The following C2orf76 variants were observed in gnomAD, a reference collection of about 807,000 sequenced individuals.
C2orf76 encodes UPF0538 protein C2orf76.
Under a neutral mutation model 16.9 loss-of-function variants are expected in C2orf76, and 23 were observed. The observed-to-expected ratio is 1.36, with a 90% CI of 0.98 to 1.93. The LOEUF (loss-of-function observed/expected upper bound fraction) is 1.93. Among genes scored for constraint, C2orf76 ranks in the 30% most tolerant of loss-of-function variants. The pLI, the probability that C2orf76 is intolerant of heterozygous loss-of-function variation, is 0.00. For synonymous variants in C2orf76, 48 were observed against 52.3 expected (o/e 0.92, Z 0.35); for missense variants, 152 against 152.6 (o/e 1.00, Z 0.02).
At chr2:119,342,312 T>C (rs1022429115) in intron 1 of C2orf76, among the ~76,000 whole-genome samples, 3 of 152,134 alleles carry the variant, frequency 2.0e-5, no homozygotes, top group African/African-American at 7.2e-5. Context: ...CTTTATTTCG[T>C]TTGATAGGAG....
chr2:119,341,349 A>G (rs1680024724), intron 1 of C2orf76, among the ~76,000 whole-genome samples: 1 of 152,168 alleles, frequency 6.6e-6, no homozygotes, highest in Non-Finnish European at 1.5e-5. Flanking sequence ...CATGCCAGAT[A>G]CTACTCTAAG....
the C2orf76 span, among the ~76,000 whole-genome samples, chr2:119,287,450 C>T: frequency 4.6e-5 from 7 of 152,156 alleles, no homozygotes; most frequent in African/African-American, 1.4e-4. Context: ...CCCACAACCC[C>T]ACCACAAGGG....
chr2:119,338,183 T>G (rs1400202554), intron 2 of C2orf76, among the ~76,000 whole-genome samples: 1 of 152,210 alleles, frequency 6.6e-6, no homozygotes, highest in Non-Finnish European at 1.5e-5. Flanking sequence ...AGCTAAGGAT[T>G]TTTTTTGAGC....
At chr2:119,349,589 C>T (rs1002545095) in intron 1 of C2orf76, among the ~76,000 whole-genome samples, 2 of 152,192 alleles carry the variant, frequency 1.3e-5, no homozygotes, top group East Asian at 3.8e-4. Flanking sequence ...CCACACCCAC[C>T]ACGCTGTTGC....
chr2:119,339,137 A>T (rs556575467), intron 2 of C2orf76: 2 of 152,366 alleles, frequency 1.3e-5, no homozygotes, highest in East Asian at 3.9e-4. Context: ...GATATAAAGC[A>T]ATACCTTTGT....
chr2:119,292,782 C>A, the C2orf76 span, among the ~76,000 whole-genome samples: 1 of 152,158 alleles, frequency 6.6e-6, no homozygotes, highest in Non-Finnish European at 1.5e-5. Context: ...TGCCTGTCAT[C>A]CCAGCACTTT....
At chr2:119,350,066 A>ACCCCC (rs1489941272) in intron 1 of C2orf76, among the ~76,000 whole-genome samples, 8 of 33,800 alleles carry the variant, frequency 2.4e-4, no homozygotes, top group Admixed American at 8.7e-4. Context: ...CCCCGCCCAC[A>ACCCCC]CCGCCCCCCG....
At chr2:119,336,806 T>C (rs1461270275) in intron 2 of C2orf76, among the ~76,000 whole-genome samples, 2 of 152,134 alleles carry the variant, frequency 1.3e-5, no homozygotes, top group East Asian at 3.9e-4. Context: ...TGTCAGACAA[T>C]CTCTTTAGCA....
At chr2:119,288,203 C>A in the C2orf76 span, among the ~76,000 whole-genome samples, 30 of 148,358 alleles carry the variant, frequency 2.0e-4, no homozygotes, top group Non-Finnish European at 3.7e-4. Context: ...GTCGCCCAGG[C>A]TGGAGTGCAG....
chr2:119,288,362 T>C, the C2orf76 span, among the ~76,000 whole-genome samples: 49 of 151,998 alleles, frequency 3.2e-4, no homozygotes, highest in African/African-American at 1.1e-3. Flanking sequence ...TTCACCGTGG[T>C]CTCTATCTCC....
chr2:119,289,830 C>T, the C2orf76 span, among the ~76,000 whole-genome samples: 8 of 152,052 alleles, frequency 5.3e-5, no homozygotes, highest in Non-Finnish European at 1.0e-4. Context: ...AGCCCTCTGC[C>T]GGTAGTAGTT....
intron 2 of C2orf76, among the ~76,000 whole-genome samples, chr2:119,330,532 T>G (rs1166414583): frequency 3.3e-5 from 5 of 152,160 alleles, no homozygotes; most frequent in Non-Finnish European, 5.9e-5. Flanking sequence ...TGGTATGCCT[T>G]GGTGTGGCTT....
upstream of C2orf76, chr2:119,367,027 C>G (rs746931532): frequency 3.7e-6 from 6 of 1,614,058 alleles, no homozygotes; most frequent in Non-Finnish European, 5.1e-6. Context: ...CGCTGTCTCC[C>G]TGGAGTTCTT....
chr2:119,340,913 TA>T (rs59470520), intron 1 of C2orf76, among the ~76,000 whole-genome samples: 9,031 of 143,338 alleles, frequency 0.063, 336 homozygotes, highest in African/African-American at 0.1. Context: ...AGCAAACAGT[TA>T]AAAAAAAAAA....
the C2orf76 span, among the ~76,000 whole-genome samples, chr2:119,282,331 C>T: frequency 6.6e-6 from 1 of 152,190 alleles, no homozygotes. Context: ...TCACTTTGAA[C>T]TGCTGTTCAT....
At chr2:119,317,628 A>C in intron 3 of C2orf76, 125 bp from the exon 4 acceptor site, 3 of 619,692 alleles carry the variant, frequency 4.8e-6, no homozygotes, top group Non-Finnish European at 8.2e-6. Context: ...AACCAGACTC[A>C]TTTAGAAATA....
intron 4 of C2orf76, among the ~76,000 whole-genome samples, chr2:119,312,793 C>T (rs1247602047): frequency 6.6e-6 from 1 of 151,896 alleles, no homozygotes; most frequent in Non-Finnish European, 1.5e-5. Flanking sequence ...TTTGGCAGGC[C>T]GAGGCAGGCA....
In C2orf76 at chr2:119,317,588, G is replaced by A. The variant is rs114842413; in HGVS notation, c.185-85C>T. On this transcript the variant is annotated intron_variant, in intron 3 of 5. Coordinates refer to ENST00000334816, the MANE Select transcript of C2orf76 (RefSeq NM_001322331.2). ...ATTAAAATGGGTGGAGGGTGGCTAC[G>A]AAATTGAGAAATGTAAGTCCTTGTT... 9.3e-4 allele frequency: 956 copies of A among 1,026,378 alleles called. 12 individuals are homozygous for A. The African/African-American group carries it at 0.013, about 14-fold the overall frequency. The allele number at this position is 1,026,378 out of a possible 1,614,324, so 63.6% of individuals were successfully genotyped here.
At chr2:119,294,768 G>A in the C2orf76 span, among the ~76,000 whole-genome samples, 1 of 152,176 alleles carries the variant, frequency 6.6e-6, no homozygotes, top group African/African-American at 2.4e-5. Context: ...CGACAGCGTG[G>A]CCAGTCAGCA....
Sources: gnomAD v4.1 joint callset for allele counts (sites outside exome capture counted in the v4.1 genomes callset) on GRCh38, gnomAD v4.1.1 for gene constraint, MANE v1.5 for transcripts, NCBI Gene and HGNC (gene_info 2026-07-23, HGNC 2026-07-21) for gene names.